Variants in CSMD1 observed in about 807,000 individuals in gnomAD.
The protein encoded by CSMD1 is CUB and sushi domain-containing protein 1.
CSMD1 carries 213 observed loss-of-function variants against 417.5 expected under a neutral mutation model. That is an observed-to-expected ratio of 0.51 (90% CI 0.46 to 0.57). CSMD1 has a LOEUF of 0.57. Ranked by LOEUF, CSMD1 falls within the 20% of genes least tolerant of loss-of-function variation. The pLI is 0.00. For synonymous variants in CSMD1, 2,862 were observed against 1,736.8 expected, an observed-to-expected ratio of 1.65 and a Z score of -16.11; for missense variants, 6,923 against 4,529.7, an observed-to-expected ratio of 1.53 and a Z score of -15.17.
chr8:4,677,194 A>C (rs1346698488), intron 1 of CSMD1, among the ~76,000 whole-genome samples: 1 of 150,400 alleles, frequency 6.6e-6, no homozygotes, highest in East Asian at 1.9e-4. Flanking sequence ...TCAGGTAACT[A>C]TACATAATAG....
At chr8:3,252,231 G>A (rs575543640) in intron 26 of CSMD1, among the ~76,000 whole-genome samples, 28 of 152,184 alleles carry the variant, frequency 1.8e-4, no homozygotes, top group Middle Eastern at 3.4e-3. Context: ...TTTGAAATAC[G>A]TCCCATCAAT....
intron 7 of CSMD1, among the ~76,000 whole-genome samples, chr8:3,621,403 A>C (rs1563206468): frequency 6.6e-6 from 1 of 152,258 alleles, no homozygotes; most frequent in East Asian, 1.9e-4. Flanking sequence ...AGAGAGCCAG[A>C]AAGTAGAATG....
chr8:4,030,638 G>A (rs1585166247), intron 4 of CSMD1, among the ~76,000 whole-genome samples: 1 of 152,152 alleles, frequency 6.6e-6, no homozygotes, highest in Non-Finnish European at 1.5e-5. Flanking sequence ...ATGCCCTGGA[G>A]GCATTTTCCC....
chr8:4,968,059 C>G (rs1485729062), intron 1 of CSMD1, among the ~76,000 whole-genome samples: 1 of 151,996 alleles, frequency 6.6e-6, no homozygotes, highest in Non-Finnish European at 1.5e-5. Context: ...AATTAGAGTT[C>G]TTAGGTTAGC....
chr8:4,743,136 C>T (rs1810732002), intron 1 of CSMD1, among the ~76,000 whole-genome samples: 1 of 151,944 alleles, frequency 6.6e-6, no homozygotes, highest in African/African-American at 2.4e-5. Context: ...GAAAAATAAC[C>T]AAACTTTTAA....
intron 25 of CSMD1, among the ~76,000 whole-genome samples, chr8:3,300,535 C>T (rs1804311490): frequency 1.3e-5 from 2 of 152,142 alleles, no homozygotes; most frequent in South Asian, 2.1e-4. Context: ...TGTACTAAGA[C>T]ATATGAGGAT....
At chr8:4,093,272 C>A (rs578019385) in intron 3 of CSMD1, among the ~76,000 whole-genome samples, 1 of 152,078 alleles carries the variant, frequency 6.6e-6, no homozygotes, top group Admixed American at 6.6e-5. Flanking sequence ...ATCACATTTA[C>A]ATAAAAAATA....
intron 12 of CSMD1, among the ~76,000 whole-genome samples, chr8:3,447,018 T>C (rs1815348791): frequency 6.6e-6 from 1 of 152,220 alleles, no homozygotes; most frequent in Admixed American, 6.5e-5. Flanking sequence ...TGAAATGTTA[T>C]TTCATTTTCA....
At chr8:4,344,724 G>T (rs921046369) in intron 3 of CSMD1, among the ~76,000 whole-genome samples, 2 of 152,008 alleles carry the variant, frequency 1.3e-5, no homozygotes, top group African/African-American at 4.8e-5. Context: ...CCATCATTGA[G>T]CAAAAGAATA....
At chr8:4,253,823 A>G (rs954110958) in intron 3 of CSMD1, among the ~76,000 whole-genome samples, 8 of 149,116 alleles carry the variant, frequency 5.4e-5, no homozygotes, top group Non-Finnish European at 1.2e-4. Flanking sequence ...CAACACCATT[A>G]TTATCCTATT....
intron 12 of CSMD1, among the ~76,000 whole-genome samples, chr8:3,450,805 T>C (rs983718084): frequency 1.9e-4 from 29 of 152,024 alleles, no homozygotes; most frequent in African/African-American, 6.8e-4. Flanking sequence ...AGCAGCATGA[T>C]TTATAATCCT....
At chr8:4,424,875 T>C (rs947077386) in intron 2 of CSMD1, among the ~76,000 whole-genome samples, 5 of 152,098 alleles carry the variant, frequency 3.3e-5, no homozygotes, top group African/African-American at 1.2e-4. Flanking sequence ...ATAATTTCTT[T>C]TAACTACATG....
At chr8:3,408,791 C>CAT (rs1812508394) in intron 13 of CSMD1, among the ~76,000 whole-genome samples, 1 of 151,846 alleles carries the variant, frequency 6.6e-6, no homozygotes. Flanking sequence ...TACTTAAAAT[C>CAT]ATATATATTA....
intron 25 of CSMD1, among the ~76,000 whole-genome samples, chr8:3,304,559 C>G (rs945372269): frequency 3.9e-5 from 6 of 152,034 alleles, no homozygotes; most frequent in Admixed American, 2.0e-4. Flanking sequence ...GATGGCTACC[C>G]TCTTAAGCTG....
chr8:3,493,937 A>G (rs1415868535), intron 10 of CSMD1, among the ~76,000 whole-genome samples: 1 of 152,158 alleles, frequency 6.6e-6, no homozygotes. Context: ...AATTGCTATT[A>G]CTCCCAACTT....
chr8:4,555,317 C>T (rs1798038635), intron 2 of CSMD1, among the ~76,000 whole-genome samples: 1 of 152,016 alleles, frequency 6.6e-6, no homozygotes, highest in South Asian at 2.1e-4. Flanking sequence ...TTGGGAGATG[C>T]TCAGAAGGAA....
intron 26 of CSMD1, among the ~76,000 whole-genome samples, chr8:3,256,144 A>G (rs1585818250): frequency 6.6e-6 from 1 of 151,988 alleles, no homozygotes; most frequent in Non-Finnish European, 1.5e-5. Context: ...CCTGGCCAAC[A>G]TGGTGAAACC....
rs1380379582 is a variant in CSMD1, at chr8:4,518,516, A to T, written c.303-98451T>A. Among the ~76,000 whole-genome samples, 9 of 151,692 alleles carry T rather than the reference A, an allele frequency of 5.9e-5. No individual in the cohort carries two copies. In the East Asian group the frequency reaches 1.7e-3, roughly 29 times the overall value. On this transcript the variant is annotated intron_variant, in intron 2 of 69. Transcript: ENST00000635120. ...ATATTCTCAGAAAACTATCGCAAGG[A>T]CAAAAAACCAAACACCGCGTGCTCT...
intron 5 of CSMD1, among the ~76,000 whole-genome samples, chr8:3,848,353 G>T (rs116889809): frequency 1.3e-5 from 2 of 151,726 alleles, no homozygotes; most frequent in Admixed American, 6.6e-5. Context: ...ATTAAAGAGA[G>T]TAACTAGAAA....
Sources: gnomAD v4.1 joint callset for allele counts (sites outside exome capture counted in the v4.1 genomes callset) on GRCh38, gnomAD v4.1.1 for gene constraint, MANE v1.5 for transcripts, NCBI Gene and HGNC (gene_info 2026-07-23, HGNC 2026-07-21) for gene names.